The following SLC25A48 variants were observed in gnomAD, a reference collection of about 807,000 sequenced individuals.
SLC25A48 encodes CTC-321K16.1.
Under a neutral mutation model 32.2 loss-of-function variants are expected in SLC25A48, and 29 were observed. The ratio of observed to expected loss-of-function variants is 0.90; its 90% CI spans 0.67 to 1.23. The LOEUF (loss-of-function observed/expected upper bound fraction) is 1.23, where lower values mean the gene tolerates loss of function less well. Ranked by LOEUF, SLC25A48 falls within the 50% of genes most tolerant of loss-of-function variation. SLC25A48 has a pLI of 0.00. For synonymous variants in SLC25A48, 164 were observed against 172.3 expected (o/e 0.95, Z 0.38); for missense variants, 399 against 422.7 (o/e 0.94, Z 0.49).
At chr5:135,680,923 C>G (rs1753881371) in intron 3 of SLC25A48, among the ~76,000 whole-genome samples, 1 of 152,158 alleles carries the variant, frequency 6.6e-6, no homozygotes, top group Non-Finnish European at 1.5e-5. Context: ...GTCTCACAGC[C>G]CATTGATTTT....
At chr5:135,653,569 A>T (rs538669065) in intron 3 of SLC25A48, among the ~76,000 whole-genome samples, 2 of 152,242 alleles carry the variant, frequency 1.3e-5, no homozygotes, top group African/African-American at 4.8e-5. Flanking sequence ...GATATCAATT[A>T]TAACCTCAAG....
chr5:135,592,194 C>T (rs1751543037), intron 1 of SLC25A48, among the ~76,000 whole-genome samples: 1 of 152,164 alleles, frequency 6.6e-6, no homozygotes, highest in African/African-American at 2.4e-5. Context: ...TGCCTGTCTC[C>T]TGGATTTGGT....
chr5:135,814,604 G>C (rs1386966492), intron 4 of SLC25A48, among the ~76,000 whole-genome samples: 2 of 152,190 alleles, frequency 1.3e-5, no homozygotes, highest in African/African-American at 4.8e-5. Flanking sequence ...CTGCAGAGTA[G>C]GGGCTAGAAG....
At chr5:135,807,911 G>T (rs1429781844) in intron 3 of SLC25A48, among the ~76,000 whole-genome samples, 1 of 149,882 alleles carries the variant, frequency 6.7e-6, no homozygotes, top group Admixed American at 6.6e-5. Flanking sequence ...TGTTAACACT[G>T]TATATTATAA....
chr5:135,617,297 T>A (rs1032692998), intron 1 of SLC25A48, among the ~76,000 whole-genome samples: 3 of 152,078 alleles, frequency 2.0e-5, no homozygotes, highest in African/African-American at 7.2e-5. Context: ...TGGTATGAGT[T>A]GTAATGTCTC....
At chr5:135,879,925 A>AGTGT (rs1762337674) in intron 6 of SLC25A48, 43 bp from the exon 7 acceptor site, 11 of 1,530,848 alleles carry the variant, frequency 7.2e-6, no homozygotes, top group Middle Eastern at 1.7e-4. Context: ...CCCTGCAGAG[A>AGTGT]GTGTGGGTCA....
intron 1 of SLC25A48, 118 bp from the exon 2 acceptor site, chr5:135,842,298 C>A: frequency 9.6e-7 from 1 of 1,037,706 alleles, no homozygotes; most frequent in South Asian, 1.4e-5. Flanking sequence ...CCCACCCACT[C>A]CCCCTACCCC....
At chr5:135,827,556 G>T (rs1665296958) in intron 4 of SLC25A48, 1 of 152,200 alleles carries the variant, frequency 6.6e-6, no homozygotes, top group African/African-American at 2.4e-5. Context: ...ACTCGTCTTT[G>T]TTCTTGGGGT....
chr5:135,601,866 A>G (rs900256779), intron 1 of SLC25A48, among the ~76,000 whole-genome samples: 1 of 152,230 alleles, frequency 6.6e-6, no homozygotes, highest in Non-Finnish European at 1.5e-5. Flanking sequence ...TCCCTTGCTC[A>G]GTGACCCCGG....
chr5:135,752,993 A>T (rs896577596), intron 3 of SLC25A48, among the ~76,000 whole-genome samples: 2 of 152,132 alleles, frequency 1.3e-5, no homozygotes, highest in African/African-American at 4.8e-5. Flanking sequence ...CACATGGTGT[A>T]CACACCCCTA....
chr5:135,769,850 A>T (rs529931166), intron 3 of SLC25A48, among the ~76,000 whole-genome samples: 5 of 151,604 alleles, frequency 3.3e-5, no homozygotes, highest in Non-Finnish European at 5.9e-5. Flanking sequence ...TATTGTTCGT[A>T]ATATCCATGA....
chr5:135,794,865 CA>C (rs1757127848), intron 3 of SLC25A48, among the ~76,000 whole-genome samples: 4 of 151,868 alleles, frequency 2.6e-5, no homozygotes, highest in African/African-American at 4.8e-5. Context: ...CCCAGTATAT[CA>C]GGGGGTGAAC....
At chr5:135,588,350 C>T (rs929033557) in intron 1 of SLC25A48, among the ~76,000 whole-genome samples, 3 of 152,184 alleles carry the variant, frequency 2.0e-5, no homozygotes, top group African/African-American at 7.2e-5. Context: ...CATGATTATC[C>T]AAGTTGCCAT....
chr5:135,840,120 G>A (rs560671781), intron 1 of SLC25A48, among the ~76,000 whole-genome samples: 1 of 152,230 alleles, frequency 6.6e-6, no homozygotes, highest in South Asian at 2.1e-4. Context: ...GTGTGTGTAG[G>A]TATTTTTTTC....
In SLC25A48 at chr5:135,721,362, T is replaced by C. The variant is rs144455053; in HGVS notation, c.-521+86406T>C. Among the ~76,000 whole-genome samples, 1,485 of 151,838 alleles carry C rather than the reference T, an allele frequency of 9.8e-3. 34 individuals carry two copies. Among genetic ancestry groups the C allele is most frequent in the African/African-American group, 0.034 (1,397 of 41,400 alleles). On this transcript the variant is annotated intron_variant, in intron 3 of 10. Coordinates refer to the SLC25A48 transcript ENST00000646290. ...GATTACAGGTGGCTGCCACCATGCC[T>C]GGCTAATTTTTTGTATTTTTAGTAG...
At chr5:135,721,638 A>G (rs972272457) in intron 3 of SLC25A48, among the ~76,000 whole-genome samples, 38 of 152,304 alleles carry the variant, frequency 2.5e-4, no homozygotes, top group African/African-American at 8.9e-4. Context: ...AGCACTGCAT[A>G]ATTGAAATGG....
chr5:135,635,980 C>T (rs1214356327), intron 3 of SLC25A48, among the ~76,000 whole-genome samples: 1 of 152,192 alleles, frequency 6.6e-6, no homozygotes, highest in East Asian at 1.9e-4. Context: ...TCATTCTTTC[C>T]TATTAATGAG....
At chr5:135,689,198 C>G (rs1754087860) in intron 3 of SLC25A48, among the ~76,000 whole-genome samples, 1 of 152,196 alleles carries the variant, frequency 6.6e-6, no homozygotes, top group African/African-American at 2.4e-5. Flanking sequence ...AACTGGGTGC[C>G]TCAGACCCTC....
intron 3 of SLC25A48, among the ~76,000 whole-genome samples, chr5:135,772,913 T>C (rs1240483969): frequency 6.6e-6 from 1 of 151,118 alleles, no homozygotes; most frequent in Non-Finnish European, 1.5e-5. Flanking sequence ...GTTTGTAATA[T>C]CCAGAAAAGG....
Sources: allele counts gnomAD v4.1 joint callset (sites outside exome capture counted in the v4.1 genomes callset), GRCh38; gene constraint gnomAD v4.1.1; transcripts MANE v1.5; gene names NCBI Gene and HGNC (gene_info 2026-07-23, HGNC 2026-07-21).